The following MACROD2 variants were observed in gnomAD, a reference collection of about 807,000 sequenced individuals.
MACROD2 encodes mono-ADP ribosylhydrolase 2.
Under a neutral mutation model 70.4 loss-of-function variants are expected in MACROD2, and 36 were observed. The observed-to-expected ratio is 0.51, with a 90% CI of 0.39 to 0.68. MACROD2 has a LOEUF of 0.68. Ranked by LOEUF, MACROD2 falls within the 30% of genes least tolerant of loss-of-function variation. MACROD2 has a pLI of 0.00. For missense variants in MACROD2, 496 were observed against 538.4 expected (o/e 0.92, Z 0.78); for synonymous variants, 172 against 178.8 (o/e 0.96, Z 0.30).
At chr20:15,124,160 A>G (rs2076049910) in intron 5 of MACROD2, among the ~76,000 whole-genome samples, 1 of 152,014 alleles carries the variant, frequency 6.6e-6, no homozygotes, top group Admixed American at 6.6e-5. Context: ...TAAAATTACA[A>G]CCATTTACTT....
At chr20:15,857,960 A>G (rs1046214064) in intron 8 of MACROD2, among the ~76,000 whole-genome samples, 5 of 152,206 alleles carry the variant, frequency 3.3e-5, no homozygotes, top group Non-Finnish European at 5.9e-5. Context: ...CTGTCTTTGT[A>G]TAGTCCAAGC....
chr20:14,825,374 A>C (rs188116939), intron 5 of MACROD2, among the ~76,000 whole-genome samples: 4 of 152,162 alleles, frequency 2.6e-5, no homozygotes, highest in Admixed American at 2.6e-4. Context: ...ACAGTGTCCA[A>C]AGTCTTTTCT....
At chr20:15,865,400 G>T (rs530224062) in intron 9 of MACROD2, among the ~76,000 whole-genome samples, 3 of 151,820 alleles carry the variant, frequency 2.0e-5, no homozygotes, top group Admixed American at 6.6e-5. Flanking sequence ...AACAATAATG[G>T]TTACTAATAA....
At chr20:15,862,125 G>A (rs1322945183) in intron 8 of MACROD2, among the ~76,000 whole-genome samples, 4 of 152,148 alleles carry the variant, frequency 2.6e-5, no homozygotes, top group Non-Finnish European at 5.9e-5. Flanking sequence ...TACTTTTGAG[G>A]TGGCATTTAC....
intron 7 of MACROD2, among the ~76,000 whole-genome samples, chr20:15,460,999 TA>T (rs376026563): frequency 0.022 from 1,895 of 85,512 alleles, 110 homozygotes; most frequent in East Asian, 0.044. Context: ...TATATATATA[TA>T]TATATATTTT....
intron 3 of MACROD2, among the ~76,000 whole-genome samples, chr20:14,119,158 G>GTTTTTT: frequency 1.2e-5 from 1 of 80,766 alleles, no homozygotes; most frequent in African/African-American, 4.0e-5. Context: ...AAATGACTGT[G>GTTTTTT]ATTTTTTTTT....
At chr20:15,569,379 A>G (rs1185524134) in intron 8 of MACROD2, among the ~76,000 whole-genome samples, 1 of 152,198 alleles carries the variant, frequency 6.6e-6, no homozygotes, top group Admixed American at 6.5e-5. Context: ...TAACACAGGT[A>G]TTATCGTTTT....
chr20:14,235,605 T>G (rs975767632), intron 3 of MACROD2, among the ~76,000 whole-genome samples: 1 of 152,180 alleles, frequency 6.6e-6, no homozygotes, highest in Non-Finnish European at 1.5e-5. Context: ...CCAACTACAT[T>G]TATTTTTAGA....
intron 8 of MACROD2, among the ~76,000 whole-genome samples, chr20:15,501,902 T>G (rs2047369541): frequency 6.6e-6 from 1 of 152,222 alleles, no homozygotes; most frequent in African/African-American, 2.4e-5. Context: ...AGAGTATTGC[T>G]TCTAATTGTT....
chr20:14,059,907 A>T (rs982631298), intron 2 of MACROD2, among the ~76,000 whole-genome samples: 27 of 152,336 alleles, frequency 1.8e-4, no homozygotes, highest in African/African-American at 6.5e-4. Flanking sequence ...CATTTGAATT[A>T]GTAACTTGGA....
At chr20:15,942,173 T>A (rs1052325856) in intron 12 of MACROD2, among the ~76,000 whole-genome samples, 1 of 152,178 alleles carries the variant, frequency 6.6e-6, no homozygotes, top group African/African-American at 2.4e-5. Flanking sequence ...CTTACCCCCA[T>A]GTACTTGCTA....
chr20:15,120,300 G>A (rs1485532933), intron 5 of MACROD2, among the ~76,000 whole-genome samples: 1 of 152,054 alleles, frequency 6.6e-6, no homozygotes, highest in Non-Finnish European at 1.5e-5. Context: ...ATGTGTGCAT[G>A]TCTGTGCATA....
chr20:14,132,387 G>A (rs1236721153), intron 3 of MACROD2, among the ~76,000 whole-genome samples: 5 of 152,048 alleles, frequency 3.3e-5, no homozygotes, highest in Non-Finnish European at 7.4e-5. Context: ...TTAAGTAAAT[G>A]CTGAAATGTA....
At chr20:15,455,824 G>C (rs1028559761) in intron 7 of MACROD2, among the ~76,000 whole-genome samples, 4 of 152,084 alleles carry the variant, frequency 2.6e-5, no homozygotes, top group Admixed American at 2.0e-4. Flanking sequence ...GATGCTGACT[G>C]ACCTCTCATT....
chr20:15,986,819 T>C lies in MACROD2; in HGVS notation c.1060+18T>C. 1 of 1,572,344 alleles carries C rather than the reference T, an allele frequency of 6.4e-7. No homozygotes were observed. The highest frequency in any genetic ancestry group is 1.3e-5 in the African/African-American group (1 of 74,278). On this transcript the variant is annotated intron_variant, in intron 14 of 17. Coordinates refer to ENST00000684519, the MANE Select transcript of MACROD2 (RefSeq NM_001351661.2). ...AACAGAAGGTACTGAAACCAAAATA[T>C]ATTGTTATCAGAGAATGAGATGAAA...
chr20:14,091,032 A>G (rs1269410380), intron 3 of MACROD2, among the ~76,000 whole-genome samples: 2 of 151,824 alleles, frequency 1.3e-5, no homozygotes, highest in African/African-American at 4.8e-5. Context: ...CTTGTTGGTC[A>G]TTTGTGTGTC....
chr20:14,193,515 A>C (rs2081405198), intron 3 of MACROD2, among the ~76,000 whole-genome samples: 2 of 152,162 alleles, frequency 1.3e-5, no homozygotes, highest in African/African-American at 4.8e-5. Flanking sequence ...GGTTAAGGGC[A>C]CAAAACAATG....
intron 15 of MACROD2, among the ~76,000 whole-genome samples, chr20:16,003,550 G>A (rs2066744776): frequency 6.6e-6 from 1 of 152,146 alleles, no homozygotes; most frequent in Non-Finnish European, 1.5e-5. Context: ...CCAAAGTGAG[G>A]GCAGAGGCTT....
At chr20:14,470,222 T>G (rs1187161512) in intron 3 of MACROD2, among the ~76,000 whole-genome samples, 1 of 152,138 alleles carries the variant, frequency 6.6e-6, no homozygotes, top group Admixed American at 6.5e-5. Context: ...GGAGGTCCAC[T>G]GCAGACCCTG....
Sources: gnomAD v4.1 joint callset for allele counts (sites outside exome capture counted in the v4.1 genomes callset) on GRCh38, gnomAD v4.1.1 for gene constraint, MANE v1.5 for transcripts, NCBI Gene and HGNC (gene_info 2026-07-23, HGNC 2026-07-21) for gene names.